EFNB2: variants seen among roughly 807,000 people sequenced by gnomAD.
EFNB2 encodes ephrin-B2.
A neutral mutation model predicts 32.1 loss-of-function variants in EFNB2; 5 were observed. The observed-to-expected ratio is 0.16, with a 90% CI of 0.08 to 0.33. EFNB2 has a LOEUF of 0.33. Among genes scored for constraint, EFNB2 ranks in the 10% least tolerant of loss-of-function variants. The pLI is 1.00. For missense variants in EFNB2, 263 were observed against 422.6 expected, an observed-to-expected ratio of 0.62 and a Z score of 3.31; for synonymous variants, 168 against 166.5, an observed-to-expected ratio of 1.01 and a Z score of -0.07.
intron 2 of EFNB2, chr13:106,506,346 C>T (rs993744513): frequency 6.6e-6 from 1 of 152,090 alleles, no homozygotes; most frequent in African/African-American, 2.4e-5. Flanking sequence ...GAGAAAAAGT[C>T]CTGGCAAGGC....
intron 1 of EFNB2, among the ~76,000 whole-genome samples, chr13:106,528,632 G>A (rs558364406): frequency 6.6e-6 from 1 of 152,286 alleles, no homozygotes; most frequent in African/African-American, 2.4e-5. Context: ...AGACTTTCCT[G>A]TAATGCCAAA....
chr13:106,511,496 AC>A (rs1290757072), intron 2 of EFNB2, among the ~76,000 whole-genome samples: 3 of 152,140 alleles, frequency 2.0e-5, no homozygotes, highest in Non-Finnish European at 4.4e-5. Flanking sequence ...AAATAAAATA[AC>A]AATAAAGTGC....
intron 1 of EFNB2, chr13:106,517,195 A>C (rs1879342288): frequency 6.6e-6 from 1 of 152,250 alleles, no homozygotes; most frequent in South Asian, 2.1e-4. Context: ...GGCTAAGTTT[A>C]AATTACTAAA....
chr13:106,499,012 T>G (rs1390837992), intron 2 of EFNB2, among the ~76,000 whole-genome samples: 1 of 152,150 alleles, frequency 6.6e-6, no homozygotes, highest in Non-Finnish European at 1.5e-5. Context: ...CCAGGAAAGA[T>G]TTTTGCCATG....
rs948125102 is a variant in EFNB2, at chr13:106,490,414, T to C, written c.*2626A>G. 1 of 152,190 alleles carries C rather than the reference T, an allele frequency of 6.6e-6. No homozygotes were observed. Among genetic ancestry groups the C allele is most frequent in the Non-Finnish European group, 1.5e-5 (1 of 68,026 alleles). 9.4% of individuals were successfully genotyped at this position (152,190 alleles called of 1,614,324 possible). ...TCAAACAAAGGGACAGTTGGTAGAT[T>C]GTCATATTCTGCACCAGACACAAAA... On this transcript the variant is annotated 3_prime_UTR_variant, in exon 5 of 5. Transcript: ENST00000646441.
chr13:106,508,877 T>C (rs1879044095), intron 2 of EFNB2, among the ~76,000 whole-genome samples: 1 of 152,196 alleles, frequency 6.6e-6, no homozygotes, highest in Non-Finnish European at 1.5e-5. Flanking sequence ...AAAATACAGT[T>C]CAAATTAAAA....
At chr13:106,498,846 G>C (rs1878678568) in intron 2 of EFNB2, among the ~76,000 whole-genome samples, 1 of 152,152 alleles carries the variant, frequency 6.6e-6, no homozygotes, top group African/African-American at 2.4e-5. Context: ...CAGTTTTTCT[G>C]CTATATTCAG....
In EFNB2 at chr13:106,495,037, C is replaced by T. The variant is rs374517209; in HGVS notation, c.500-43G>A. The T allele has an allele frequency of 2.4e-4, 361 of 1,485,098 alleles. 2 individuals are homozygous for T. The Middle Eastern group carries it at 4.0e-3, about 16-fold the overall frequency. 92.0% of individuals were successfully genotyped at this position (1,485,098 alleles called of 1,614,324 possible). A position where few individuals can be genotyped will look rare whatever the true frequency, so the allele number is the denominator to read the frequency against. ...GATTAATTACGGCACAGACATCTGA[C>T]AATATCTAGCTTTAGGAGCTGCATA... On this transcript the variant is annotated intron_variant, in intron 3 of 4. Transcript: ENST00000646441.
chr13:106,516,664 C>T (rs1879322425), intron 1 of EFNB2: 1 of 152,218 alleles, frequency 6.6e-6, no homozygotes, highest in Non-Finnish European at 1.5e-5. Context: ...TCAAGACACG[C>T]ACATGTGAGC....
Position 106,506,924 on chromosome 13 carries a change from C to T in EFNB2, c.406+5605G>A, listed in dbSNP as rs552730722. Among the ~76,000 whole-genome samples, 10 of 152,238 alleles carry T rather than the reference C, an allele frequency of 6.6e-5. No individual in the cohort carries two copies. In the East Asian group the frequency reaches 7.7e-4, roughly 12 times the overall value. On this transcript the variant is annotated intron_variant, in intron 2 of 4. Coordinates refer to ENST00000646441, the MANE Select transcript of EFNB2 (RefSeq NM_004093.4). ...CTCAGGAACTCGGGTCTTCCAGACC[C>T]CAGACTCTCAACCTAAGATGTTGAT...
chr13:106,533,802 T>G (rs1879962595), intron 1 of EFNB2, among the ~76,000 whole-genome samples: 1 of 152,180 alleles, frequency 6.6e-6, no homozygotes, highest in Non-Finnish European at 1.5e-5. Flanking sequence ...GAGACTACAA[T>G]TCCAAGATTC....
intron 1 of EFNB2, among the ~76,000 whole-genome samples, chr13:106,523,409 C>T (rs1346454863): frequency 6.6e-6 from 1 of 152,078 alleles, no homozygotes; most frequent in African/African-American, 2.4e-5. Flanking sequence ...CAAAAACACC[C>T]TAGAAGTTAA....
At chr13:106,507,098 G>A (rs7983579) in intron 2 of EFNB2, among the ~76,000 whole-genome samples, 2 of 151,882 alleles carry the variant, frequency 1.3e-5, no homozygotes, top group African/African-American at 4.8e-5. Context: ...ATGCTTGAAC[G>A]CAGCCATTAT....
intron 1 of EFNB2, among the ~76,000 whole-genome samples, chr13:106,527,858 C>T (rs906861454): frequency 6.6e-6 from 1 of 152,208 alleles, no homozygotes; most frequent in East Asian, 1.9e-4. Context: ...TGAATGATTG[C>T]TTTAATCACT....
rs2138925824 is a variant in EFNB2, at chr13:106,516,123, C to T, written c.123-3311G>A. The T allele has an allele frequency of 2.0e-5, 3 of 152,312 alleles. 1 individual carries two copies. The highest frequency in any genetic ancestry group is 3.4e-3 in the Middle Eastern group (1 of 294). The allele number at this position is 152,312 out of a possible 1,614,324, so 9.4% of individuals were successfully genotyped here. A position where few individuals can be genotyped will look rare whatever the true frequency, so the allele number is the denominator to read the frequency against. On this transcript the variant is annotated intron_variant, in intron 1 of 4. Transcript: ENST00000646441. The stretch of plus-strand genomic sequence containing the variant: ...CAAATTGAAGTCAAATTAAATACCA[C>T]TATTTGCAGATCACAGACATGATAG...
At chr13:106,529,771 C>T (rs932835350) in intron 1 of EFNB2, among the ~76,000 whole-genome samples, 3 of 152,166 alleles carry the variant, frequency 2.0e-5, no homozygotes, top group African/African-American at 7.2e-5. Flanking sequence ...GTTTTATTGC[C>T]ATACAATCAG....
chr13:106,505,302 G>A (rs1878914570), intron 2 of EFNB2, among the ~76,000 whole-genome samples: 1 of 152,154 alleles, frequency 6.6e-6, no homozygotes, highest in Non-Finnish European at 1.5e-5. Flanking sequence ...TAGATGTTTG[G>A]ACCCAGGAGG....
chr13:106,509,368 A>G (rs1879058697), intron 2 of EFNB2, among the ~76,000 whole-genome samples: 1 of 152,182 alleles, frequency 6.6e-6, no homozygotes, highest in Admixed American at 6.5e-5. Context: ...TATTTATTAT[A>G]ACACTGCTCG....
intron 2 of EFNB2, among the ~76,000 whole-genome samples, chr13:106,511,365 C>G (rs574309542): frequency 6.6e-6 from 1 of 152,126 alleles, no homozygotes; most frequent in Non-Finnish European, 1.5e-5. Context: ...GCCTGTAGTC[C>G]GAGCTACTTG....
Sources: gnomAD v4.1 joint callset for allele counts (sites outside exome capture counted in the v4.1 genomes callset) on GRCh38, gnomAD v4.1.1 for gene constraint, MANE v1.5 for transcripts, NCBI Gene and HGNC (gene_info 2026-07-23, HGNC 2026-07-21) for gene names.